The following DLEU7 variants were observed in gnomAD, a reference collection of about 807,000 sequenced individuals.
DLEU7 encodes leukemia-associated protein 7.
A neutral mutation model predicts 16.0 loss-of-function variants in DLEU7; 17 were observed. The ratio of observed to expected loss-of-function variants is 1.06; its 90% CI spans 0.73 to 1.59. The LOEUF is 1.59. Ranked by LOEUF, DLEU7 falls within the 40% of genes most tolerant of loss-of-function variation. The pLI is 0.00. For synonymous variants in DLEU7, 113 were observed against 139.8 expected, an observed-to-expected ratio of 0.81 and a Z score of 1.35; for missense variants, 308 against 314.9, an observed-to-expected ratio of 0.98 and a Z score of 0.17.
At chr13:50,782,709 A>C (rs1443575123) in intron 1 of DLEU7, among the ~76,000 whole-genome samples, 1 of 151,906 alleles carries the variant, frequency 6.6e-6, no homozygotes, top group Non-Finnish European at 1.5e-5. Flanking sequence ...AGCATATTGC[A>C]CAGGACTCAA....
intron 1 of DLEU7, among the ~76,000 whole-genome samples, chr13:50,751,487 A>G (rs1271621290): frequency 6.6e-6 from 1 of 152,148 alleles, no homozygotes; most frequent in Non-Finnish European, 1.5e-5. Context: ...ATCTTGTGGA[A>G]TAGTGTCATC....
intron 1 of DLEU7, among the ~76,000 whole-genome samples, chr13:50,731,246 C>A (rs1484604181): frequency 6.6e-6 from 1 of 152,192 alleles, no homozygotes; most frequent in African/African-American, 2.4e-5. Context: ...ACTTTCATTT[C>A]AATAAATCTG....
chr13:50,719,481 G>A (rs1009477924), intron 1 of DLEU7, among the ~76,000 whole-genome samples: 6 of 152,142 alleles, frequency 3.9e-5, no homozygotes, highest in South Asian at 4.1e-4. Flanking sequence ...TAAAAACTCC[G>A]TACCTCAAAG....
At chr13:50,792,298 TAC>T (rs924733156) in intron 1 of DLEU7, among the ~76,000 whole-genome samples, 4 of 152,192 alleles carry the variant, frequency 2.6e-5, no homozygotes, top group Non-Finnish European at 4.4e-5. Context: ...ATCTACCCAT[TAC>T]TTTTGTCCAA....
chr13:50,791,507 C>T (rs150886362), intron 1 of DLEU7, among the ~76,000 whole-genome samples: 1,823 of 152,176 alleles, frequency 0.012, 15 homozygotes, highest in South Asian at 0.042. Context: ...ACAGTGTGTA[C>T]GTGTTCTGGG....
In DLEU7 at chr13:50,746,561, T is replaced by C. The variant is rs538298981; in HGVS notation, c.460-33321A>G. On this transcript the variant is annotated intron_variant, in intron 1 of 1. Coordinates refer to the DLEU7 transcript ENST00000400393. ...TGAACATTTGGGCATTTTTGACTAA[T>C]ACCTTCCCCTCTGAGTATGAATCAC... 3.0e-4 allele frequency among the ~76,000 whole-genome samples: 45 copies of C among 152,330 alleles called. No homozygotes were observed. The East Asian group carries it at 6.9e-3, about 23-fold the overall frequency.
At chr13:50,782,754 C>A (rs1372213903) in intron 1 of DLEU7, among the ~76,000 whole-genome samples, 1 of 148,298 alleles carries the variant, frequency 6.7e-6, no homozygotes, top group African/African-American at 2.5e-5. Context: ...AATTCCCACC[C>A]ATCATATACA....
intron 1 of DLEU7, among the ~76,000 whole-genome samples, chr13:50,725,920 CTTAA>C: frequency 6.6e-6 from 1 of 152,182 alleles, no homozygotes. Context: ...TTGGTCTAGA[CTTAA>C]TTAGCTTTTG....
chr13:50,841,628 G>A (rs1877661302), intron 1 of DLEU7, among the ~76,000 whole-genome samples: 1 of 151,868 alleles, frequency 6.6e-6, no homozygotes, highest in Non-Finnish European at 1.5e-5. Context: ...TACTGAGGAG[G>A]CTGAGGCAGG....
At chr13:50,816,534 T>C (rs1300381706) in intron 1 of DLEU7, among the ~76,000 whole-genome samples, 1 of 152,056 alleles carries the variant, frequency 6.6e-6, no homozygotes. Context: ...GCCTTCTAAA[T>C]GCCTTTGCCA....
At chr13:50,766,075 A>C (rs935523114) in intron 1 of DLEU7, among the ~76,000 whole-genome samples, 2 of 152,164 alleles carry the variant, frequency 1.3e-5, no homozygotes, top group African/African-American at 4.8e-5. Context: ...TGCCTCAGCA[A>C]GTTTCATTCC....
chr13:50,820,618 C>T (rs1876873969), downstream of DLEU7, among the ~76,000 whole-genome samples: 1 of 152,088 alleles, frequency 6.6e-6, no homozygotes, highest in Admixed American at 6.6e-5. Flanking sequence ...GCAAGCTCAT[C>T]AGCTGAGAAT....
At chr13:50,789,762 G>A (rs1225536364) in intron 1 of DLEU7, among the ~76,000 whole-genome samples, 2 of 152,074 alleles carry the variant, frequency 1.3e-5, no homozygotes, top group Non-Finnish European at 2.9e-5. Flanking sequence ...CATAGCATCT[G>A]AGGAAGCTAA....
At chr13:50,800,470 C>T (rs6561594) in intron 1 of DLEU7, among the ~76,000 whole-genome samples, 27,578 of 152,022 alleles carry the variant, frequency 0.18, 4,293 homozygotes, top group African/African-American at 0.42. Context: ...GGCCTCCTCA[C>T]TGAGGATAAT....
chr13:50,739,820 C>T (rs1383470615), intron 1 of DLEU7, among the ~76,000 whole-genome samples: 1 of 152,192 alleles, frequency 6.6e-6, no homozygotes, highest in African/African-American at 2.4e-5. Context: ...CAGTCCAACC[C>T]TACCTAGTCC....
chr13:50,746,215 A>AT (rs1174118783), intron 1 of DLEU7, among the ~76,000 whole-genome samples: 1 of 152,220 alleles, frequency 6.6e-6, no homozygotes, highest in African/African-American at 2.4e-5. Context: ...ATACATATTT[A>AT]TTTAATAGCA....
chr13:50,727,121 C>T (rs1873782039), intron 1 of DLEU7, among the ~76,000 whole-genome samples: 2 of 152,214 alleles, frequency 1.3e-5, no homozygotes, highest in African/African-American at 2.4e-5. Context: ...ATGCTAAAAA[C>T]TATAATTCTA....
chr13:50,766,963 T>C (rs1436574359), intron 1 of DLEU7, among the ~76,000 whole-genome samples: 1 of 152,202 alleles, frequency 6.6e-6, no homozygotes, highest in Admixed American at 6.5e-5. Context: ...GTTTTTCTCC[T>C]GCCTGTCTGA....
chr13:50,733,121 G>A (rs139280213), intron 1 of DLEU7, among the ~76,000 whole-genome samples: 4 of 152,286 alleles, frequency 2.6e-5, no homozygotes, highest in African/African-American at 9.6e-5. Flanking sequence ...TTTTAGATAA[G>A]TGGTTCTCAG....
Sources: allele counts gnomAD v4.1 joint callset (sites outside exome capture counted in the v4.1 genomes callset), GRCh38; gene constraint gnomAD v4.1.1; transcripts MANE v1.5; gene names NCBI Gene and HGNC (gene_info 2026-07-23, HGNC 2026-07-21).